The following RNGTT variants were observed in gnomAD, a reference collection of about 807,000 sequenced individuals.
The protein encoded by RNGTT is mRNA-capping enzyme.
Under a neutral mutation model 79.3 loss-of-function variants are expected in RNGTT, and 33 were observed. The ratio of observed to expected loss-of-function variants is 0.42; its 90% CI spans 0.32 to 0.56. The LOEUF is 0.56. Among genes scored for constraint, RNGTT ranks in the 20% least tolerant of loss-of-function variants. RNGTT has a pLI of 0.17. For missense variants in RNGTT, 497 were observed against 739.1 expected (o/e 0.67, Z 3.80); for synonymous variants, 222 against 235.9 (o/e 0.94, Z 0.54).
intron 1 of RNGTT, among the ~76,000 whole-genome samples, chr6:88,946,779 C>T (rs1049048466): frequency 8.0e-4 from 119 of 147,954 alleles, no homozygotes; most frequent in African/African-American, 2.8e-3. Context: ...CTCAGTCTGC[C>T]GAATGCCTGC....
At chr6:88,660,184 T>C (rs1774127804) in intron 14 of RNGTT, among the ~76,000 whole-genome samples, 1 of 152,070 alleles carries the variant, frequency 6.6e-6, no homozygotes, top group Non-Finnish European at 1.5e-5. Context: ...TGCACCAAAA[T>C]AGAACCTCCT....
At position 88,741,003 on chromosome 6, in the gene RNGTT, G is replaced by A. The variant is rs186188711; in HGVS notation, c.1439+28771C>T. On this transcript the variant is annotated intron_variant, in intron 13 of 15. Coordinates refer to ENST00000369485, the MANE Select transcript of RNGTT (RefSeq NM_003800.5). Reference sequence around the variant, plus strand: ...ACACTTGTACACTGTTGATGAGAACGTAAATTAGTTTGACCATCATGGAAA... The same window carrying A: ...ACACTTGTACACTGTTGATGAGAACATAAATTAGTTTGACCATCATGGAAA... 2.6e-5 allele frequency among the ~76,000 whole-genome samples: 4 copies of A among 152,276 alleles called. No homozygotes were observed. The East Asian group carries it at 7.7e-4, about 29-fold the overall frequency.
chr6:88,710,524 A>AT (rs1473150024), intron 13 of RNGTT, among the ~76,000 whole-genome samples: 1 of 152,188 alleles, frequency 6.6e-6, no homozygotes, highest in Non-Finnish European at 1.5e-5. Flanking sequence ...TCCAAGCATG[A>AT]TATTTAAAAC....
intron 13 of RNGTT, among the ~76,000 whole-genome samples, chr6:88,756,819 G>A (rs1778031409): frequency 6.6e-6 from 1 of 152,152 alleles, no homozygotes; most frequent in Non-Finnish European, 1.5e-5. Context: ...TTGTTCACTT[G>A]GAGCTAAGTG....
intron 13 of RNGTT, among the ~76,000 whole-genome samples, chr6:88,685,840 G>C (rs914446353): frequency 6.6e-6 from 1 of 151,608 alleles, no homozygotes; most frequent in Admixed American, 6.6e-5. Flanking sequence ...AATCCTAGAG[G>C]AAACACACTT....
At chr6:88,924,943 A>C (rs1483979624) in intron 4 of RNGTT, among the ~76,000 whole-genome samples, 7 of 151,674 alleles carry the variant, frequency 4.6e-5, no homozygotes, top group Non-Finnish European at 1.0e-4. Flanking sequence ...ATGGTCTCAA[A>C]CCCCTGGCTT....
At chr6:88,867,380 G>A (rs1393863485) in intron 8 of RNGTT, among the ~76,000 whole-genome samples, 2 of 152,064 alleles carry the variant, frequency 1.3e-5, no homozygotes, top group Non-Finnish European at 2.9e-5. Flanking sequence ...CTACTCAAGA[G>A]GCCGAGGCAC....
chr6:88,723,483 T>C (rs1776775058), intron 13 of RNGTT, among the ~76,000 whole-genome samples: 1 of 152,194 alleles, frequency 6.6e-6, no homozygotes, highest in Non-Finnish European at 1.5e-5. Context: ...TGCAACATTA[T>C]TTTCATACTT....
chr6:88,788,453 C>G (rs1388536407), intron 12 of RNGTT, among the ~76,000 whole-genome samples: 1 of 152,038 alleles, frequency 6.6e-6, no homozygotes, highest in Admixed American at 6.6e-5. Flanking sequence ...GCTAAATGAT[C>G]CAGTAAAAAA....
rs117131747 is a variant in RNGTT at position 88,663,000 on chromosome 6, C to T, written c.1506+15353G>A. ...GTTTTGGTTTAGATTTCACTATTGA[C>T]TTTTGGATTTGAACTGTTCTGGCTA... On this transcript the variant is annotated intron_variant, in intron 14 of 15. Coordinates refer to ENST00000369485, the MANE Select transcript of RNGTT (RefSeq NM_003800.5). Among the ~76,000 whole-genome samples the T allele has an allele frequency of 2.1e-3, 315 of 152,272 alleles. 5 individuals are homozygous for T. In the East Asian group the frequency reaches 0.042, roughly 20 times the overall value.
intron 13 of RNGTT, among the ~76,000 whole-genome samples, chr6:88,731,232 A>G (rs896828238): frequency 1.3e-5 from 2 of 152,226 alleles, no homozygotes; most frequent in African/African-American, 2.4e-5. Context: ...TGGCATCTAC[A>G]TGTGCAGCAA....
intron 14 of RNGTT, among the ~76,000 whole-genome samples, chr6:88,619,608 C>CG (rs35619556): frequency 2.6e-5 from 4 of 152,062 alleles, no homozygotes; most frequent in Non-Finnish European, 5.9e-5. Flanking sequence ...GAAAGAAGAA[C>CG]GGGGGTGTGG....
At chr6:88,860,387 C>A (rs1356250859) in intron 8 of RNGTT, among the ~76,000 whole-genome samples, 1 of 152,174 alleles carries the variant, frequency 6.6e-6, no homozygotes, top group Admixed American at 6.5e-5. Flanking sequence ...ATTTTCCCTA[C>A]CCCTAGCAGG....
intron 12 of RNGTT, among the ~76,000 whole-genome samples, chr6:88,787,349 A>G (rs1026099341): frequency 6.6e-6 from 1 of 152,126 alleles, no homozygotes; most frequent in Non-Finnish European, 1.5e-5. Flanking sequence ...ATTAAGGAAG[A>G]TCACTCGATA....
At chr6:88,782,483 G>C (rs574886814) in intron 12 of RNGTT, among the ~76,000 whole-genome samples, 2 of 151,570 alleles carry the variant, frequency 1.3e-5, no homozygotes, top group Non-Finnish European at 2.9e-5. Context: ...TCTTGACACT[G>C]GTCTTGGCAA....
intron 14 of RNGTT, among the ~76,000 whole-genome samples, chr6:88,644,802 G>A (rs939434171): frequency 5.9e-5 from 9 of 152,214 alleles, no homozygotes; most frequent in East Asian, 5.8e-4. Flanking sequence ...AAATTCAACA[G>A]CGCTTCATGC....
At chr6:88,734,208 A>AG (rs1777209224) in intron 13 of RNGTT, among the ~76,000 whole-genome samples, 1 of 152,176 alleles carries the variant, frequency 6.6e-6, no homozygotes, top group East Asian at 1.9e-4. Flanking sequence ...CTCTGTTACA[A>AG]GGCACAAGCA....
rs150419103 is a variant in RNGTT, at chr6:88,925,530, T to C, written c.367+3455A>G. Among the ~76,000 whole-genome samples the C allele has an allele frequency of 2.2e-3, 337 of 150,036 alleles. 3 individuals carry two copies. The highest frequency in any genetic ancestry group is 8.0e-3 in the African/African-American group (327 of 40,674). On this transcript the variant is annotated intron_variant, in intron 4 of 15. Coordinates refer to ENST00000369485, the MANE Select transcript of RNGTT (RefSeq NM_003800.5). ...ATCACTTGAGCCCTGCAGACAGAGG[T>C]TGCAGTGAGCCGAAGTCACACCACT...
intron 11 of RNGTT, among the ~76,000 whole-genome samples, chr6:88,830,245 C>A (rs6935392): frequency 0.019 from 2,919 of 152,238 alleles, 84 homozygotes; most frequent in African/African-American, 0.067. Context: ...CACTCAAAAA[C>A]CGCACAACTA....
Sources: gnomAD v4.1 joint callset for allele counts (sites outside exome capture counted in the v4.1 genomes callset) on GRCh38, gnomAD v4.1.1 for gene constraint, MANE v1.5 for transcripts, NCBI Gene and HGNC (gene_info 2026-07-23, HGNC 2026-07-21) for gene names.